THRB: variants seen among roughly 807,000 people sequenced by gnomAD.
The protein encoded by THRB is nuclear receptor subfamily 1 group A member 2.
A neutral mutation model predicts 47.8 loss-of-function variants in THRB; 12 were observed. The observed-to-expected ratio is 0.25, with a 90% confidence interval of 0.16 to 0.41. THRB has a LOEUF of 0.41. Ranked by LOEUF, THRB falls within the 10% of genes least tolerant of loss-of-function variation. The pLI is 1.00. For missense variants in THRB, 348 were observed against 589.2 expected (o/e 0.59, Z 4.24); for synonymous variants, 218 against 212.2 (o/e 1.03, Z -0.24).
intron 1 of THRB, among the ~76,000 whole-genome samples, chr3:24,411,472 C>T (rs1178930808): frequency 6.6e-6 from 1 of 151,418 alleles, no homozygotes; most frequent in East Asian, 2.0e-4. Context: ...AAGCAGAATG[C>T]CCTGGGGTTA....
chr3:24,176,025 A>C (rs1191638357), intron 5 of THRB, among the ~76,000 whole-genome samples: 1 of 152,182 alleles, frequency 6.6e-6, no homozygotes, highest in Non-Finnish European at 1.5e-5. Flanking sequence ...GTGACTAATA[A>C]TGTGTTTCAA....
intron 10 of THRB, among the ~76,000 whole-genome samples, chr3:24,126,554 T>C (rs1900996): frequency 0.017 from 2,555 of 152,240 alleles, 67 homozygotes; most frequent in African/African-American, 0.058. Context: ...GTTAGACACA[T>C]CTATGTCCTC....
chr3:24,374,331 T>G (rs1304349536), intron 1 of THRB, among the ~76,000 whole-genome samples: 1 of 152,144 alleles, frequency 6.6e-6, no homozygotes, highest in Non-Finnish European at 1.5e-5. Context: ...TAGACAAATA[T>G]TCATCCTGAA....
chr3:24,138,554 A>G (rs572372452), intron 8 of THRB, among the ~76,000 whole-genome samples: 14 of 152,352 alleles, frequency 9.2e-5, no homozygotes, highest in African/African-American at 3.4e-4. Context: ...CAAAGAAGTC[A>G]CACTTAAAAA....
At chr3:24,277,649 T>C (rs2054071701) in intron 3 of THRB, among the ~76,000 whole-genome samples, 1 of 152,220 alleles carries the variant, frequency 6.6e-6, no homozygotes, top group Non-Finnish European at 1.5e-5. Flanking sequence ...GGGTGAAAAG[T>C]TACCAAAGTT....
At chr3:24,287,774 T>C (rs1009886034) in intron 3 of THRB, among the ~76,000 whole-genome samples, 4 of 152,202 alleles carry the variant, frequency 2.6e-5, no homozygotes, top group Non-Finnish European at 4.4e-5. Context: ...AGGAACACAA[T>C]TCAAATGTAG....
intron 3 of THRB, among the ~76,000 whole-genome samples, chr3:24,293,241 A>G (rs74858576): frequency 2.0e-5 from 3 of 152,144 alleles, no homozygotes; most frequent in Non-Finnish European, 2.9e-5. Context: ...TCATTAAGCT[A>G]TTGAGCTTTC....
chr3:24,355,625 T>C (rs1577064077), intron 1 of THRB, among the ~76,000 whole-genome samples: 1 of 152,174 alleles, frequency 6.6e-6, no homozygotes, highest in African/African-American at 2.4e-5. Context: ...AGAGACTTAG[T>C]AGTATAAAAA....
chr3:24,204,874 G>A (rs1424232672), intron 4 of THRB, among the ~76,000 whole-genome samples: 6 of 152,320 alleles, frequency 3.9e-5, no homozygotes, highest in East Asian at 1.9e-4. Context: ...TTCAGTAGCC[G>A]ATTCGATCAA....
At chr3:24,208,911 T>C (rs574920186) in intron 4 of THRB, among the ~76,000 whole-genome samples, 7 of 152,262 alleles carry the variant, frequency 4.6e-5, no homozygotes, top group East Asian at 1.9e-4. Context: ...AGGCAACCTA[T>C]GGAATGGTAG....
chr3:24,117,270 T>C lies in THRB; in HGVS notation c.*5614A>G, dbSNP rs2030841437. 6.6e-6 allele frequency: 1 copy of C among 152,258 alleles called. No individual in the cohort carries two copies. Among genetic ancestry groups the C allele is most frequent in the Admixed American group, 6.5e-5 (1 of 15,280 alleles). The allele number at this position is 152,258 out of a possible 1,614,324, so 9.4% of individuals were successfully genotyped here. A position where few individuals can be genotyped will look rare whatever the true frequency, so the allele number is the denominator to read the frequency against. On this transcript the variant is annotated 3_prime_UTR_variant, in exon 11 of 11. Coordinates refer to ENST00000646209, the MANE Select transcript of THRB (RefSeq NM_001354712.2). ...CTGAAATGGGATGTTGTTTTAGATT[T>C]ACCTTTGGTGTGGGCACTGGTTGCT...
rs563118526 is a variant in THRB, at chr3:24,323,141, T to C, written c.-189+14159A>G. Among the ~76,000 whole-genome samples the C allele has an allele frequency of 2.6e-5, 4 of 152,258 alleles. No individual in the cohort carries two copies. In the South Asian group the frequency reaches 8.3e-4, roughly 32 times the overall value. ...TGAGCTTTAAGTGGCCCACAGATAA[T>C]GTTACCATCATGTTTTCTTCAATGA... is the stretch of plus-strand genomic sequence containing the variant. On this transcript the variant is annotated intron_variant, in intron 2 of 10. Coordinates refer to ENST00000646209, the MANE Select transcript of THRB (RefSeq NM_001354712.2).
intron 3 of THRB, among the ~76,000 whole-genome samples, chr3:24,278,355 C>T (rs2054156501): frequency 1.3e-5 from 2 of 152,142 alleles, no homozygotes; most frequent in South Asian, 4.1e-4. Flanking sequence ...ATTGGTAAGA[C>T]TTGCTGAGAA....
At chr3:24,222,369 C>T (rs73144431) in intron 4 of THRB, among the ~76,000 whole-genome samples, 2,139 of 152,174 alleles carry the variant, frequency 0.014, 45 homozygotes, top group African/African-American at 0.048. Flanking sequence ...AAATACATAT[C>T]GAGGAAGTGG....
At chr3:24,436,433 G>A (rs2070961562) in intron 1 of THRB, among the ~76,000 whole-genome samples, 1 of 152,096 alleles carries the variant, frequency 6.6e-6, no homozygotes, top group Non-Finnish European at 1.5e-5. Context: ...GACGGAGTCA[G>A]AACTCAAAGT....
At chr3:24,241,657 A>G (rs2150252041) in intron 3 of THRB, among the ~76,000 whole-genome samples, 1 of 152,208 alleles carries the variant, frequency 6.6e-6, no homozygotes, top group East Asian at 1.9e-4. Context: ...GCACCAACAA[A>G]CCAAGTGCAC....
chr3:24,391,875 G>C (rs2066599085), intron 1 of THRB, among the ~76,000 whole-genome samples: 3 of 152,238 alleles, frequency 2.0e-5, no homozygotes, highest in South Asian at 4.2e-4. Context: ...CTTCGTAGCG[G>C]TAATGGGAAT....
At chr3:24,181,900 G>A (rs573547960) in intron 5 of THRB, among the ~76,000 whole-genome samples, 24 of 152,172 alleles carry the variant, frequency 1.6e-4, no homozygotes, top group East Asian at 7.7e-4. Flanking sequence ...GTAAGTTTGC[G>A]TTTTGAAAGA....
At chr3:24,398,749 A>T (rs2067169504) in intron 1 of THRB, among the ~76,000 whole-genome samples, 1 of 152,188 alleles carries the variant, frequency 6.6e-6, no homozygotes, top group South Asian at 2.1e-4. Flanking sequence ...AAGGATTATA[A>T]ATCATGCTGC....
Sources: allele counts gnomAD v4.1 joint callset (sites outside exome capture counted in the v4.1 genomes callset), GRCh38; gene constraint gnomAD v4.1.1; transcripts MANE v1.5; gene names NCBI Gene and HGNC (gene_info 2026-07-23, HGNC 2026-07-21).